Variants in RAP1GAP observed in about 807,000 individuals in gnomAD.
RAP1GAP encodes rap1 GTPase-activating protein 1.
Under a neutral mutation model 87.2 loss-of-function variants are expected in RAP1GAP, and 35 were observed. That is an observed-to-expected ratio of 0.40 (90% CI 0.31 to 0.53). The LOEUF (loss-of-function observed/expected upper bound fraction) is 0.53, where lower values mean the gene tolerates loss of function less well. RAP1GAP is among the 20% of genes least tolerant of loss of function. The pLI is 0.48. For synonymous variants in RAP1GAP, 375 were observed against 363.9 expected, an observed-to-expected ratio of 1.03 and a Z score of -0.35; for missense variants, 734 against 898.9, an observed-to-expected ratio of 0.82 and a Z score of 2.35.
chr1:21,608,380 G>C, intron 16 of RAP1GAP, 30 bp from the exon 17 acceptor site: 1 of 1,602,310 alleles, frequency 6.2e-7, no homozygotes, highest in Non-Finnish European at 8.5e-7. Flanking sequence ...CGTCAGGAGG[G>C]ACCCCAAGGA....
In RAP1GAP at chr1:21,613,088, T is replaced by C; in HGVS notation, c.528+88A>G. 3.0e-6 allele frequency: 4 copies of C among 1,353,606 alleles called. No individual in the cohort carries two copies. Among genetic ancestry groups the C allele is most frequent in the Non-Finnish European group, 3.2e-6 (3 of 947,914 alleles). 83.8% of individuals were successfully genotyped at this position (1,353,606 alleles called of 1,614,324 possible). A position where few individuals can be genotyped will look rare whatever the true frequency, so the allele number is the denominator to read the frequency against. ...ATTAAATGAGAGAACCTTGGGAAAG[T>C]ATCTGGCACACAGAAGGTGCTTAAT... On this transcript the variant is annotated intron_variant, in intron 10 of 24. Transcript: ENST00000374765. This position sits in a 1 kb window ranked among gnomAD's most constrained non-coding sequence, Gnocchi z 4.7.
chr1:21,612,758 G>C (rs1418766520), intron 10 of RAP1GAP, among the ~76,000 whole-genome samples: 1 of 152,198 alleles, frequency 6.6e-6, no homozygotes, highest in Non-Finnish European at 1.5e-5. Context: ...ACAGTGCCTA[G>C]AGCCCAGCTA....
In RAP1GAP at chr1:21,602,848, G is replaced by T; in HGVS notation, c.1494C>A (p.Ser498Arg). Residue 498 changes from serine (S) to arginine (R), a missense_variant, in exon 19 of 25, where the codon AGC becomes AGA. Coordinates refer to ENST00000374765, the MANE Select transcript of RAP1GAP (RefSeq NM_002885.4). ...GTATGTTCTCGATGCCAATGGCGCT[G>T]CTGCGGCGGGAGCCGAACGGGCCCG... is the stretch of plus-strand genomic sequence containing the variant. ...KKSGPFGSRR[S>R]SAIGIENIQE... is the part of the protein sequence containing the mutation. 6.2e-7 allele frequency: 1 copy of T among 1,609,748 alleles called. No individual in the cohort carries two copies.
chr1:21,611,364 G>A (rs956875536), intron 13 of RAP1GAP, 88 bp downstream of exon 13: 22 of 1,492,988 alleles, frequency 1.5e-5, no homozygotes, highest in Non-Finnish European at 1.8e-5. Flanking sequence ...AGGGCCCAGC[G>A]CTGAGCCTGG....
Position 21,598,024 on chromosome 1 carries a change from C to A in RAP1GAP, c.1920G>T (p.Gly640=). 6.3e-7 allele frequency: 1 copy of A among 1,583,916 alleles called. No individual in the cohort carries two copies. Among genetic ancestry groups the A allele is most frequent in the Non-Finnish European group, 8.6e-7 (1 of 1,165,784 alleles). The change falls in exon 23 of 25, where the codon GGG becomes GGT. Residue 640 remains glycine, a synonymous_variant. Transcript: ENST00000374765. The part of the protein sequence containing the change: ...RSPHPDAGKL[G]DPACPEIKIQ... The stretch of plus-strand genomic sequence containing the variant: ...TCTTGATCTCGGGACACGCAGGGTC[C>A]CCCAACTTGCCGGCGTCTGGGTGGG...
At chr1:21,607,614 C>T (rs907033094) in intron 17 of RAP1GAP, among the ~76,000 whole-genome samples, 1 of 152,106 alleles carries the variant, frequency 6.6e-6, no homozygotes, top group Non-Finnish European at 1.5e-5. Flanking sequence ...GCTGACCTAG[C>T]AGCCTTTGTA....
intron 2 of RAP1GAP, among the ~76,000 whole-genome samples, chr1:21,641,448 C>T (rs2095516054): frequency 1.3e-5 from 2 of 152,212 alleles, no homozygotes; most frequent in South Asian, 4.1e-4. Flanking sequence ...CCCTGATACC[C>T]TTGGCAAAGC....
intron 1 of RAP1GAP, chr1:21,653,134 C>T (rs2152079741): frequency 6.6e-6 from 1 of 152,236 alleles, no homozygotes; most frequent in Middle Eastern, 3.4e-3. Flanking sequence ...TTTGTCTCAC[C>T]TAGGCAGGGT....
chr1:21,629,160 T>C (rs2093163866), intron 2 of RAP1GAP, among the ~76,000 whole-genome samples: 1 of 152,114 alleles, frequency 6.6e-6, no homozygotes, highest in African/African-American at 2.4e-5. Context: ...CTAGAGGAAG[T>C]AGGGATCCTG....
intron 23 of RAP1GAP, 84 bp from the exon 24 acceptor site, chr1:21,597,812 C>T: frequency 1.9e-6 from 3 of 1,564,904 alleles, no homozygotes; most frequent in Non-Finnish European, 2.6e-6. Context: ...AAGTCACTGG[C>T]TGTGTCCAGG....
At chr1:21,611,372 T>A (rs1168444013) in intron 13 of RAP1GAP, 80 bp downstream of exon 13, 3 of 1,517,872 alleles carry the variant, frequency 2.0e-6, no homozygotes, top group East Asian at 4.8e-5. Context: ...GCGCTGAGCC[T>A]GGCGTGATGG....
At chr1:21,637,675 C>A (rs1474227004) in intron 2 of RAP1GAP, among the ~76,000 whole-genome samples, 2 of 152,040 alleles carry the variant, frequency 1.3e-5, no homozygotes, top group Admixed American at 6.6e-5. Context: ...ATGTCCATTA[C>A]AAGGAGATTA....
chr1:21,658,254 G>A (rs889217064), intron 1 of RAP1GAP, among the ~76,000 whole-genome samples: 2 of 152,164 alleles, frequency 1.3e-5, no homozygotes, highest in Non-Finnish European at 2.9e-5. Flanking sequence ...CAGGTACAGC[G>A]ACATGACTTT....
intron 2 of RAP1GAP, among the ~76,000 whole-genome samples, chr1:21,640,679 G>A (rs2095435210): frequency 6.6e-6 from 1 of 151,798 alleles, no homozygotes; most frequent in Non-Finnish European, 1.5e-5. Flanking sequence ...CCTTACCCCC[G>A]ACTAAAATAG....
intron 2 of RAP1GAP, among the ~76,000 whole-genome samples, chr1:21,649,014 CG>C (rs1485313635): frequency 1.3e-5 from 2 of 152,146 alleles, no homozygotes; most frequent in African/African-American, 4.8e-5. Context: ...CCAGAGCCGT[CG>C]GGGGGCTCTC....
In RAP1GAP at chr1:21,606,158, C is replaced by A; in HGVS notation, c.1336G>T (p.Gly446Trp). 6.3e-7 allele frequency: 1 copy of A among 1,584,438 alleles called. No individual in the cohort carries two copies. Among genetic ancestry groups the A allele is most frequent in the East Asian group, 2.3e-5 (1 of 43,698 alleles). Residue 446 changes from glycine to tryptophan, a missense_variant, in exon 18 of 25, where the codon GGG becomes TGG. Transcript: ENST00000374765. ...GTGTTGGGCTTCTTGTTGCTCAGCCCCATGGCATCCATGGACTGGCTGCGG... is the reference window on the plus strand; with the variant it reads ...GTGTTGGGCTTCTTGTTGCTCAGCCACATGGCATCCATGGACTGGCTGCGG... ...RSRSQSMDAM[G>W]LSNKKPNTVS...
In RAP1GAP at chr1:21,598,071, A is replaced by G; in HGVS notation, c.1880-7T>C. 5.4e-5 allele frequency: 42 copies of G among 783,122 alleles called. No homozygotes were observed. The highest frequency in any genetic ancestry group is 1.0e-4 in the Admixed American group (4 of 39,928). 48.5% of individuals were successfully genotyped at this position (783,122 alleles called of 1,614,324 possible). Reference sequence around the variant, plus strand: ...TGGGGTGATCGAGAGGGGCCTGGGGAGGGGGGCAGGAGGGAGCCACCTCAC... The same window carrying G: ...TGGGGTGATCGAGAGGGGCCTGGGGGGGGGGGCAGGAGGGAGCCACCTCAC... On this transcript the variant is annotated splice_region_variant and splice_polypyrimidine_tract_variant and intron_variant, in intron 22 of 24. Coordinates refer to ENST00000374765, the MANE Select transcript of RAP1GAP (RefSeq NM_002885.4).
rs918592859 is a variant in RAP1GAP, at chr1:21,614,059, C to A, written c.322G>T (p.Ala108Ser). Reference protein sequence around the residue: ...EHFNYYSLDAALGHLVFSLKY... With the variant: ...EHFNYYSLDASLGHLVFSLKY... ...AGTGAGAAGACAAGGTGGCCGAGGG[C>A]AGCGTCCAGTGAGTAGTAATTGAAA... The change falls in exon 8 of 25, where the codon GCC (alanine) becomes TCC (serine). Residue 108 changes from alanine to serine, a missense_variant. Ala to Ser is a moderately conservative substitution (Grantham distance 99). Coordinates refer to ENST00000374765, the MANE Select transcript of RAP1GAP (RefSeq NM_002885.4). The A allele has an allele frequency of 3.1e-6, 5 of 1,611,370 alleles. No individual in the cohort carries two copies. The Admixed American group carries it at 8.4e-5, about 27-fold the overall frequency.
Position 21,599,596 on chromosome 1 carries a change from T to G in RAP1GAP, c.1674A>C (p.Arg558Ser). The G allele has an allele frequency of 6.2e-7, 1 of 1,607,306 alleles. No individual in the cohort carries two copies. Among genetic ancestry groups the G allele is most frequent in the Non-Finnish European group, 8.5e-7 (1 of 1,179,916 alleles). The change falls in exon 21 of 25, where the codon AGA becomes AGC. Residue 558 changes from arginine to serine, a missense_variant. Around this residue, in one of 2 missense-constraint regions of RAP1GAP, gnomAD observed 249 missense variants for 252.7 expected, o/e 0.99. Coordinates refer to ENST00000374765, the MANE Select transcript of RAP1GAP (RefSeq NM_002885.4). Reference protein sequence around the residue: ...TKNRAETAAQRAEALKDFSRS... With the variant: ...TKNRAETAAQSAEALKDFSRS... ...GGGAGAAGTCCTTGAGCGCCTCTGC[T>G]CTCTGCGCTGCGGTCTCCGCTCTGC...
Sources: allele counts gnomAD v4.1 joint callset (sites outside exome capture counted in the v4.1 genomes callset), GRCh38; gene constraint gnomAD v4.1.1; regional missense constraint gnomAD v4.1.1; non-coding constraint Gnocchi (gnomAD v3.1); transcripts MANE v1.5; gene names NCBI Gene and HGNC (gene_info 2026-07-23, HGNC 2026-07-21).